Variants in PRKDC observed in about 807,000 individuals in gnomAD.
PRKDC encodes DNA-dependent protein kinase catalytic subunit.
Under a neutral mutation model 486.9 loss-of-function variants are expected in PRKDC, and 82 were observed. The ratio of observed to expected loss-of-function variants is 0.17; its 90% CI spans 0.14 to 0.20. PRKDC has a LOEUF of 0.20. Ranked by LOEUF, PRKDC falls within the 10% of genes least tolerant of loss-of-function variation. The pLI is 1.00. For synonymous variants in PRKDC, 1,895 were observed against 1,837.0 expected (o/e 1.03, Z -0.81); for missense variants, 4,504 against 5,038.2 (o/e 0.89, Z 3.21).
At position 47,837,326 on chromosome 8, in the gene PRKDC, C is replaced by G; in HGVS notation, c.7647G>C (p.Lys2549Asn). The G allele has an allele frequency of 6.2e-7, 1 of 1,613,158 alleles. No homozygotes were observed. The highest frequency in any genetic ancestry group is 8.5e-7 in the Non-Finnish European group (1 of 1,179,166). ...CTAAACTTAAAAAGTGCACTTCTAT[C>G]TTAGGAGAATATAAGGAATTTAGTG... ...LLALNSLYSP[K>N]IEVHFLSLAT... The change falls in exon 57 of 86, where the codon AAG becomes AAC. Residue 2549 changes from lysine (K) to asparagine (N), a missense_variant. By Grantham distance (94) the Lys-to-Asn change is moderately conservative. Coordinates refer to ENST00000314191, the MANE Select transcript of PRKDC (RefSeq NM_006904.7).
At chr8:47,840,322 A>G in intron 54 of PRKDC, 133 bp from the exon 55 acceptor site, 2 of 653,292 alleles carry the variant, frequency 3.1e-6, no homozygotes. Context: ...TATAAAACTT[A>G]TATTCTTAAA....
intron 35 of PRKDC, among the ~76,000 whole-genome samples, chr8:47,886,808 C>T (rs892948412): frequency 2.0e-5 from 3 of 152,086 alleles, no homozygotes; most frequent in Non-Finnish European, 4.4e-5. Flanking sequence ...CCACCTCAGC[C>T]TCTTGTGTAG....
At position 47,953,608 on chromosome 8, in the gene PRKDC, G is replaced by A; in HGVS notation, c.721+12C>T. The A allele has an allele frequency of 6.2e-7, 1 of 1,603,790 alleles. No individual in the cohort carries two copies. Among genetic ancestry groups the A allele is most frequent in the Non-Finnish European group, 8.5e-7 (1 of 1,173,092 alleles). ...TTTTGAATAAAGAAAATCAAGTGAA[G>A]CCAAGCAATACCTTCTTCCATGGAC... On this transcript the variant is annotated intron_variant, in intron 7 of 85. Transcript: ENST00000314191.
rs746948682 is a variant in PRKDC, at chr8:47,849,545, T to G, written c.7006-42A>C. 1.8e-5 allele frequency: 29 copies of G among 1,600,352 alleles called. No individual in the cohort carries two copies. The South Asian group carries it at 3.0e-4, about 17-fold the overall frequency. On this transcript the variant is annotated intron_variant, in intron 52 of 85. Coordinates refer to ENST00000314191, the MANE Select transcript of PRKDC (RefSeq NM_006904.7). ...ATTTTCAAATACACAAAAGTGGAAATGTAGGTTAAGCATTGAAAGCAAAGT... is the reference window on the plus strand; with the variant it reads ...ATTTTCAAATACACAAAAGTGGAAAGGTAGGTTAAGCATTGAAAGCAAAGT...
At position 47,881,456 on chromosome 8, in the gene PRKDC, A is replaced by G; in HGVS notation, c.5027T>C (p.Ile1676Thr). The change falls in exon 38 of 86, where the codon ATT becomes ACT. Residue 1676 changes from isoleucine to threonine, a missense_variant. Physicochemically the swap from Ile to Thr is moderately conservative, Grantham distance 89 (BLOSUM62 -1). Around this residue, in one of 6 missense-constraint regions of PRKDC, gnomAD observed 1,969 missense variants for 2,068.9 expected, o/e 0.95. Coordinates refer to ENST00000314191, the MANE Select transcript of PRKDC (RefSeq NM_006904.7). ...GSFPEVFTTY[I>T]SLLADTKLDL... is the part of the protein sequence containing the mutation. ...CAGCTTTGTGTCAGCAAGTAGACTA[A>G]TATATGTTGTAAAGACTTCAGGGAA... is the stretch of plus-strand genomic sequence containing the variant. 6.4e-7 allele frequency: 1 copy of G among 1,574,634 alleles called. No homozygotes were observed. Among genetic ancestry groups the G allele is most frequent in the Non-Finnish European group, 8.7e-7 (1 of 1,146,794 alleles).
chr8:47,914,395 T>A (rs963216805), intron 23 of PRKDC, among the ~76,000 whole-genome samples: 3 of 152,202 alleles, frequency 2.0e-5, no homozygotes, highest in African/African-American at 7.2e-5. Context: ...TGAAACACTT[T>A]CCAAATACAG....
At chr8:47,943,937 G>A (rs775776505) in intron 8 of PRKDC, 37 bp downstream of exon 8, 1 of 1,556,474 alleles carries the variant, frequency 6.4e-7, no homozygotes, top group Non-Finnish European at 8.7e-7. Flanking sequence ...GCACTGTAAA[G>A]GCATTAGAAT....
At chr8:47,800,670 A>G in intron 71 of PRKDC, 123 bp downstream of exon 71, 1 of 799,608 alleles carries the variant, frequency 1.3e-6, no homozygotes, top group Non-Finnish European at 1.8e-6. Flanking sequence ...TTGGCTGTGC[A>G]TAACTGTCAA....
At chr8:47,954,498 A>C in intron 4 of PRKDC, 52 bp from the exon 5 acceptor site, 2 of 690,098 alleles carry the variant, frequency 2.9e-6, no homozygotes, top group Non-Finnish European at 4.5e-6. Flanking sequence ...CAAGAAAAAA[A>C]ACACAATACA....
intron 32 of PRKDC, 88 bp from the exon 33 acceptor site, chr8:47,889,310 G>C (rs1028933098): frequency 3.5e-6 from 4 of 1,141,820 alleles, no homozygotes; most frequent in Non-Finnish European, 4.9e-6. Flanking sequence ...GGGAACTTCT[G>C]CCTGACTAAG....
chr8:47,824,029 A>C, intron 63 of PRKDC, 33 bp from the exon 64 acceptor site: 2 of 1,537,106 alleles, frequency 1.3e-6, no homozygotes, highest in Non-Finnish European at 1.8e-6. Context: ...CAAATCAATG[A>C]ACACTCCAGT....
At chr8:47,902,892 A>T in intron 26 of PRKDC, 97 bp from the exon 27 acceptor site, 1 of 889,472 alleles carries the variant, frequency 1.1e-6, no homozygotes, top group Non-Finnish European at 1.6e-6. Context: ...AAAGTATGTT[A>T]AAAATTAATT....
rs141325106 is a variant in PRKDC at position 47,927,582 on chromosome 8, T to TCC, written c.2259+187_2259+188dup. Among the ~76,000 whole-genome samples the TCC allele has an allele frequency of 4.8e-3, 729 of 152,250 alleles. 7 individuals are homozygous for TCC. Among genetic ancestry groups the TCC allele is most frequent in the African/African-American group, 0.017 (691 of 41,544 alleles). On this transcript the variant is annotated intron_variant, in intron 20 of 85. Coordinates refer to ENST00000314191, the MANE Select transcript of PRKDC (RefSeq NM_006904.7). The stretch of plus-strand genomic sequence containing the variant: ...CACAGGTTTAACTCTCACATCGACC[T>TCC]CCAAGTGCAGTTCAGAGTCACCAAG...
Position 47,779,013 on chromosome 8 carries a change from A to G in PRKDC, c.11570T>C (p.Leu3857Pro). Reference protein sequence around the residue: ...SGKHDVGAYMLMYKGANRTET... With the variant: ...SGKHDVGAYMPMYKGANRTET... ...TCAAAACCAAACTTACTTATACATT[A>G]GCATGTAAGCTCCAACATCATGTTT... The change falls in exon 81 of 86, where the codon CTA becomes CCA. Residue 3857 changes from leucine to proline, a missense_variant. Leu to Pro is a moderately conservative substitution (Grantham distance 98, BLOSUM62 -3). Around this residue, in one of 6 missense-constraint regions of PRKDC, gnomAD observed 706 missense variants for 945.0 expected, o/e 0.75. Coordinates refer to ENST00000314191, the MANE Select transcript of PRKDC (RefSeq NM_006904.7). The G allele has an allele frequency of 6.3e-7, 1 of 1,591,394 alleles. No individual in the cohort carries two copies. Among genetic ancestry groups the G allele is most frequent in the Non-Finnish European group, 8.6e-7 (1 of 1,169,028 alleles).
At chr8:47,803,803 G>T (rs2087159312) in intron 69 of PRKDC, among the ~76,000 whole-genome samples, 1 of 151,984 alleles carries the variant, frequency 6.6e-6, no homozygotes. Flanking sequence ...TAAAAAATTA[G>T]CCAGCACCAT....
chr8:47,825,575 A>G (rs1208440253), intron 63 of PRKDC, among the ~76,000 whole-genome samples: 1 of 151,944 alleles, frequency 6.6e-6, no homozygotes, highest in Non-Finnish European at 1.5e-5. Flanking sequence ...ATGCAAAAAT[A>G]TCACAAAAGT....
At chr8:47,809,481 G>A (rs1193915042) in intron 68 of PRKDC, among the ~76,000 whole-genome samples, 1 of 152,178 alleles carries the variant, frequency 6.6e-6, no homozygotes, top group Non-Finnish European at 1.5e-5. Context: ...AAGGGAGGTG[G>A]GAACGTCCAC....
intron 26 of PRKDC, among the ~76,000 whole-genome samples, chr8:47,903,662 C>T (rs972091236): frequency 6.6e-6 from 1 of 152,188 alleles, no homozygotes; most frequent in African/African-American, 2.4e-5. Context: ...GTTCATGCTG[C>T]TTCTTTACCT....
Position 47,881,408 on chromosome 8 carries a change from C to A in PRKDC, c.5067+8G>T. 1 of 1,422,566 alleles carries A rather than the reference C, an allele frequency of 7.0e-7. No individual in the cohort carries two copies. Among genetic ancestry groups the A allele is most frequent in the South Asian group, 1.2e-5 (1 of 81,502 alleles). The allele number at this position is 1,422,566 out of a possible 1,614,324, so 88.1% of individuals were successfully genotyped here. A position where few individuals can be genotyped will look rare whatever the true frequency, so the allele number is the denominator to read the frequency against. On this transcript the variant is annotated splice_region_variant and intron_variant, in intron 38 of 85. Coordinates refer to ENST00000314191, the MANE Select transcript of PRKDC (RefSeq NM_006904.7). ...GTAATCCAAAAAAATAAATATTTCA[C>A]TGTTTACCTTTAAATGTAGATCCAG...
Sources: allele counts gnomAD v4.1 joint callset (sites outside exome capture counted in the v4.1 genomes callset), GRCh38; gene constraint gnomAD v4.1.1; regional missense constraint gnomAD v4.1.1; transcripts MANE v1.5; gene names NCBI Gene and HGNC (gene_info 2026-07-23, HGNC 2026-07-21).